PPME1: variants seen among roughly 807,000 people sequenced by gnomAD.
PPME1 encodes protein phosphatase methylesterase 1.
PPME1 carries 17 observed loss-of-function variants against 56.9 expected under a neutral mutation model. The ratio of observed to expected loss-of-function variants is 0.30; its 90% CI spans 0.20 to 0.45. The LOEUF (loss-of-function observed/expected upper bound fraction) is 0.45, where lower values mean the gene tolerates loss of function less well. PPME1 is among the 20% of genes least tolerant of loss of function. The probability of loss-of-function intolerance (pLI) is 1.00; values close to 1 mark genes in which losing one functional copy is unlikely to be tolerated. For missense variants in PPME1, 357 were observed against 483.2 expected (o/e 0.74, Z 2.45); for synonymous variants, 122 against 156.2 (o/e 0.78, Z 1.63).
intron 13 of PPME1, among the ~76,000 whole-genome samples, chr11:74,252,095 G>A (rs1591074697): frequency 6.7e-6 from 1 of 149,028 alleles, no homozygotes; most frequent in South Asian, 2.1e-4. Flanking sequence ...GCAGGCCATG[G>A]AGCAGGGCTT....
At chr11:74,213,053 C>A (rs1185306779) in intron 3 of PPME1, among the ~76,000 whole-genome samples, 3 of 152,152 alleles carry the variant, frequency 2.0e-5, no homozygotes, top group African/African-American at 7.2e-5. Context: ...CAATTCCAGG[C>A]CTTGGCTCTT....
intron 8 of PPME1, chr11:74,238,190 A>G (rs868078674): frequency 1.3e-5 from 2 of 150,862 alleles, no homozygotes; most frequent in South Asian, 2.1e-4. Flanking sequence ...TTTTTATCAC[A>G]TCTATACTGT....
At chr11:74,238,529 C>G (rs1291204687) in intron 8 of PPME1, 1 of 152,088 alleles carries the variant, frequency 6.6e-6, no homozygotes, top group Non-Finnish European at 1.5e-5. Context: ...CAAGTTCTCT[C>G]TAAAGGAAGT....
chr11:74,230,832 G>A lies in PPME1; in HGVS notation c.554-80G>A, dbSNP rs1859046825. ...CTAAATTCTGCTGTCATCAAGAGCA[G>A]ATATATAGTAGTTGACTCAGTAAGT... On this transcript the variant is annotated intron_variant, in intron 6 of 13. Coordinates refer to ENST00000328257, the MANE Select transcript of PPME1 (RefSeq NM_016147.3). This position sits in a 1 kb window ranked among gnomAD's most constrained non-coding sequence, Gnocchi z 4.9. The A allele has an allele frequency of 1.9e-6, 2 of 1,047,100 alleles. No individual in the cohort carries two copies. The highest frequency in any genetic ancestry group is 3.2e-5 in the African/African-American group (2 of 62,952). 64.9% of individuals were successfully genotyped at this position (1,047,100 alleles called of 1,614,324 possible).
At chr11:74,190,594 G>A (rs1372658435) in intron 1 of PPME1, among the ~76,000 whole-genome samples, 1 of 152,184 alleles carries the variant, frequency 6.6e-6, no homozygotes, top group East Asian at 1.9e-4. Flanking sequence ...CTTTATAGCA[G>A]TGCAAGAATG....
At chr11:74,215,355 A>AGAGAG (rs2135639789) in intron 3 of PPME1, among the ~76,000 whole-genome samples, 1 of 152,284 alleles carries the variant, frequency 6.6e-6, no homozygotes, top group South Asian at 2.1e-4. Flanking sequence ...GAAAAGAAGT[A>AGAGAG]GAGACAACAA....
intron 1 of PPME1, among the ~76,000 whole-genome samples, chr11:74,201,240 G>C (rs1858156941): frequency 6.6e-6 from 1 of 152,118 alleles, no homozygotes; most frequent in Admixed American, 6.5e-5. Context: ...CTCCCAAAGT[G>C]CTGGGATTAC....
chr11:74,175,631 C>T (rs1378703223), intron 1 of PPME1, among the ~76,000 whole-genome samples: 1 of 151,950 alleles, frequency 6.6e-6, no homozygotes, highest in Non-Finnish European at 1.5e-5. Flanking sequence ...AATCTTGGTG[C>T]ATTACAACCT....
chr11:74,242,835 T>C lies in PPME1; in HGVS notation c.835-3241T>C, dbSNP rs369487536. Reference sequence around the variant, plus strand: ...CAGAGGTTGCAGTGAGCCGAGATTGTGCCACTGCACCCCAGCCTGGGCGAC... The same window carrying C: ...CAGAGGTTGCAGTGAGCCGAGATTGCGCCACTGCACCCCAGCCTGGGCGAC... On this transcript the variant is annotated intron_variant, in intron 9 of 13. Coordinates refer to ENST00000328257, the MANE Select transcript of PPME1 (RefSeq NM_016147.3). Among the ~76,000 whole-genome samples, 126 of 133,142 alleles carry C rather than the reference T, an allele frequency of 9.5e-4. 3 individuals are homozygous for C. In the East Asian group the frequency reaches 0.025, roughly 27 times the overall value. The allele number at this position is 133,142 out of a possible 152,430, so 87.3% of individuals were successfully genotyped here. A position where few individuals can be genotyped will look rare whatever the true frequency, so the allele number is the denominator to read the frequency against.
intron 1 of PPME1, among the ~76,000 whole-genome samples, chr11:74,182,988 C>T (rs1857579750): frequency 7.8e-6 from 1 of 128,038 alleles, no homozygotes; most frequent in Non-Finnish European, 1.7e-5. Context: ...TAGACCTTGT[C>T]TCTACCAAAA....
intron 5 of PPME1, among the ~76,000 whole-genome samples, chr11:74,228,529 TA>T (rs887335196): frequency 8.5e-5 from 13 of 152,322 alleles, no homozygotes; most frequent in African/African-American, 2.9e-4. Context: ...AGGATATAAA[TA>T]ACTCCCACAT....
chr11:74,244,819 T>C (rs1272225333), intron 9 of PPME1, among the ~76,000 whole-genome samples: 1 of 152,182 alleles, frequency 6.6e-6, no homozygotes, highest in Non-Finnish European at 1.5e-5. Flanking sequence ...CATGTTTTCT[T>C]CTAGGAGTTT....
At chr11:74,183,290 CT>C (rs779225738) in intron 1 of PPME1, among the ~76,000 whole-genome samples, 16 of 152,142 alleles carry the variant, frequency 1.1e-4, no homozygotes, top group Non-Finnish European at 2.2e-4. Context: ...GAGGGAGACC[CT>C]GTCTCAAAAC....
At chr11:74,176,002 G>GTCATTTC (rs1857392750) in intron 1 of PPME1, among the ~76,000 whole-genome samples, 1 of 152,274 alleles carries the variant, frequency 6.6e-6, no homozygotes, top group African/African-American at 2.4e-5. Context: ...CATTGGTCGA[G>GTCATTTC]TCATTTAACT....
At chr11:74,200,943 C>G (rs917728315) in intron 1 of PPME1, among the ~76,000 whole-genome samples, 3 of 152,042 alleles carry the variant, frequency 2.0e-5, no homozygotes, top group African/African-American at 7.2e-5. Context: ...ACCTCAGTCT[C>G]TCCCGAGTGG....
intron 3 of PPME1, among the ~76,000 whole-genome samples, chr11:74,207,788 T>C (rs988861369): frequency 7.2e-5 from 11 of 152,166 alleles, no homozygotes; most frequent in Non-Finnish European, 1.6e-4. Flanking sequence ...GGGATCTCAT[T>C]AGCACATGCA....
At chr11:74,217,327 A>G (rs972860151) in intron 3 of PPME1, among the ~76,000 whole-genome samples, 1 of 152,024 alleles carries the variant, frequency 6.6e-6, no homozygotes, top group Non-Finnish European at 1.5e-5. Flanking sequence ...GGATCACTTG[A>G]GATCAGGAGT....
intron 3 of PPME1, among the ~76,000 whole-genome samples, chr11:74,214,584 A>G (rs986642802): frequency 1.3e-5 from 2 of 152,152 alleles, no homozygotes; most frequent in African/African-American, 4.8e-5. Flanking sequence ...GAGAAAAGAA[A>G]CAAATAATAT....
At chr11:74,235,871 CCTT>C (rs751862986) in intron 7 of PPME1, 27 bp from the exon 8 acceptor site, 9 of 1,594,834 alleles carry the variant, frequency 5.6e-6, no homozygotes, top group Non-Finnish European at 7.7e-6. Flanking sequence ...TACTGAATAA[CCTT>C]CTCTCTTCCT....
Sources: gnomAD v4.1 joint callset for allele counts (sites outside exome capture counted in the v4.1 genomes callset) on GRCh38, gnomAD v4.1.1 for gene constraint, Gnocchi (gnomAD v3.1) non-coding constraint, MANE v1.5 for transcripts, NCBI Gene and HGNC (gene_info 2026-07-23, HGNC 2026-07-21) for gene names.